Variants in OPCML observed in about 807,000 individuals in gnomAD.
OPCML encodes opioid binding protein/cell adhesion molecule like.
In OPCML, 13 loss-of-function variants were observed where a neutral mutation model predicts 37.8. The ratio of observed to expected loss-of-function variants is 0.34; its 90% CI spans 0.22 to 0.55. The LOEUF (loss-of-function observed/expected upper bound fraction) is 0.55, where lower values mean the gene tolerates loss of function less well. OPCML is among the 20% of genes least tolerant of loss of function. OPCML has a pLI of 0.91. For synonymous variants in OPCML, 176 were observed against 168.8 expected (o/e 1.04, Z -0.33); for missense variants, 341 against 435.6 (o/e 0.78, Z 1.93).
chr11:133,420,615 A>T (rs1158742052), intron 1 of OPCML: 1 of 985,160 alleles, frequency 1.0e-6, no homozygotes, highest in Non-Finnish European at 1.2e-6. Context: ...TATCTGTGGT[A>T]ATGATCATGG....
At chr11:132,759,513 C>T (rs1199461598) in intron 2 of OPCML, among the ~76,000 whole-genome samples, 1 of 152,072 alleles carries the variant, frequency 6.6e-6, no homozygotes, top group Non-Finnish European at 1.5e-5. Context: ...TTGATTACTT[C>T]CGGGATTAGT....
At chr11:133,292,095 TCAAA>T (rs2136541096) in intron 1 of OPCML, among the ~76,000 whole-genome samples, 1 of 152,308 alleles carries the variant, frequency 6.6e-6, no homozygotes, top group South Asian at 2.1e-4. Flanking sequence ...AGCTTCATAA[TCAAA>T]CAAAGCCCCG....
intron 2 of OPCML, among the ~76,000 whole-genome samples, chr11:132,751,297 G>C (rs1945824017): frequency 6.6e-6 from 1 of 152,120 alleles, no homozygotes; most frequent in African/African-American, 2.4e-5. Flanking sequence ...GTGAGACTCT[G>C]CTCCTGAGAT....
intron 2 of OPCML, among the ~76,000 whole-genome samples, chr11:132,705,826 T>C (rs1944011057): frequency 6.6e-6 from 1 of 152,074 alleles, no homozygotes; most frequent in South Asian, 2.1e-4. Context: ...CTTTTCTTTT[T>C]CGAGACAGTC....
chr11:133,525,577 T>A (rs553250520), intron 1 of OPCML, among the ~76,000 whole-genome samples: 1 of 152,308 alleles, frequency 6.6e-6, no homozygotes, highest in South Asian at 2.1e-4. Context: ...TACCTCACAG[T>A]CTCTTAGTGA....
intron 1 of OPCML, among the ~76,000 whole-genome samples, chr11:133,070,025 A>G (rs1396658434): frequency 1.3e-5 from 2 of 152,192 alleles, no homozygotes; most frequent in Non-Finnish European, 1.5e-5. Flanking sequence ...TGTCCTTAGT[A>G]CATATTAACA....
At chr11:132,959,041 T>A (rs1946028446) in intron 1 of OPCML, among the ~76,000 whole-genome samples, 1 of 152,240 alleles carries the variant, frequency 6.6e-6, no homozygotes, top group African/African-American at 2.4e-5. Context: ...TTCTGATGGA[T>A]CTGGCCAAAG....
chr11:132,651,016 T>C (rs1361126682), intron 3 of OPCML, among the ~76,000 whole-genome samples: 1 of 152,126 alleles, frequency 6.6e-6, no homozygotes, highest in African/African-American at 2.4e-5. Context: ...CCTGGCAAAA[T>C]TGTGACCTAT....
intron 1 of OPCML, chr11:133,006,693 C>G (rs73588529): frequency 1.0e-6 from 1 of 985,326 alleles, no homozygotes; most frequent in Admixed American, 6.1e-5. Context: ...GCCACTTCCA[C>G]TTTTTCTGCT....
In OPCML at chr11:133,005,974, G is replaced by A. The variant is rs1035983391; in HGVS notation, c.62-62964C>T. 1.7e-5 allele frequency: 17 copies of A among 985,304 alleles called. No individual in the cohort carries two copies. The African/African-American group carries it at 3.0e-4, about 17-fold the overall frequency. The allele number at this position is 985,304 out of a possible 1,614,324, so 61.0% of individuals were successfully genotyped here. On this transcript the variant is annotated intron_variant, in intron 1 of 7. Transcript: ENST00000524381. ...GCAGCTTCCAGGACAAGTTCTAAAA[G>A]GGAAGATGTCTCTTTTCCTTGCCCT...
intron 1 of OPCML, among the ~76,000 whole-genome samples, chr11:133,436,694 C>T (rs1031262780): frequency 6.6e-6 from 1 of 152,204 alleles, no homozygotes; most frequent in African/African-American, 2.4e-5. Context: ...CCACTGCTTA[C>T]TAGCTGTGTG....
chr11:133,063,485 G>A (rs1183951747), intron 1 of OPCML, among the ~76,000 whole-genome samples: 1 of 152,140 alleles, frequency 6.6e-6, no homozygotes, highest in Non-Finnish European at 1.5e-5. Context: ...TATAGGATGT[G>A]AATGATGACT....
intron 2 of OPCML, among the ~76,000 whole-genome samples, chr11:132,936,033 T>C (rs190824427): frequency 0.011 from 1,741 of 152,296 alleles, 16 homozygotes; most frequent in Non-Finnish European, 0.017. Flanking sequence ...GTGGGTGTCA[T>C]GTTGCTCAGT....
At chr11:133,367,179 A>T (rs1944560783) in intron 1 of OPCML, among the ~76,000 whole-genome samples, 1 of 152,126 alleles carries the variant, frequency 6.6e-6, no homozygotes, top group Middle Eastern at 3.2e-3. Flanking sequence ...GGGTTTCACC[A>T]TGTTGGCTAG....
intron 4 of OPCML, among the ~76,000 whole-genome samples, chr11:132,527,557 A>G (rs1332521434): frequency 1.3e-5 from 2 of 149,200 alleles, no homozygotes; most frequent in South Asian, 2.1e-4. Context: ...TTTTTTTTTC[A>G]GTTTGAAGTG....
intron 1 of OPCML, among the ~76,000 whole-genome samples, chr11:133,407,955 G>A (rs143481125): frequency 1.1e-3 from 173 of 152,224 alleles, no homozygotes; most frequent in African/African-American, 3.5e-3. Context: ...ATTCTGGGCC[G>A]CACTTCTGGG....
chr11:132,510,624 C>G (rs972433290), intron 4 of OPCML, among the ~76,000 whole-genome samples: 1 of 152,260 alleles, frequency 6.6e-6, no homozygotes, highest in Middle Eastern at 3.4e-3. Context: ...TCCACTTTTG[C>G]TTCTTCCTCA....
At chr11:132,976,662 C>T (rs1946471425) in intron 1 of OPCML, among the ~76,000 whole-genome samples, 2 of 152,112 alleles carry the variant, frequency 1.3e-5, no homozygotes, top group South Asian at 2.1e-4. Flanking sequence ...TGAAAGCTTC[C>T]CAGTCACTTA....
chr11:132,878,023 A>G (rs955346737), intron 2 of OPCML, among the ~76,000 whole-genome samples: 2 of 152,206 alleles, frequency 1.3e-5, no homozygotes, highest in Admixed American at 6.5e-5. Flanking sequence ...TCTACTAAAA[A>G]TACAACAAAT....
Sources: allele counts gnomAD v4.1 joint callset (sites outside exome capture counted in the v4.1 genomes callset), GRCh38; gene constraint gnomAD v4.1.1; transcripts MANE v1.5; gene names NCBI Gene and HGNC (gene_info 2026-07-23, HGNC 2026-07-21).